Variants in GBP3 observed in about 807,000 individuals in gnomAD.
The protein encoded by GBP3 is guanylate binding protein 3, also known as guanylate-binding protein 3.
In GBP3, 55 loss-of-function variants were observed where a neutral mutation model predicts 62.4. The observed-to-expected ratio is 0.88, with a 90% CI of 0.71 to 1.10. The LOEUF (loss-of-function observed/expected upper bound fraction) is 1.10, where lower values mean the gene tolerates loss of function less well. Among genes scored for constraint, GBP3 ranks in the 50% least tolerant of loss-of-function variants. The probability of loss-of-function intolerance (pLI) is 0.00; values close to 1 mark genes in which losing one functional copy is unlikely to be tolerated. For missense variants in GBP3, 605 were observed against 690.6 expected (o/e 0.88, Z 1.39); for synonymous variants, 208 against 259.2 (o/e 0.80, Z 1.90).
chr1:89,020,660 A>G lies in GBP3; in HGVS notation c.62T>C (p.Leu21Pro). The change falls in exon 2 of 11, where the codon CTG (leucine) becomes CCG (proline). Residue 21 changes from leucine (L) to proline (P), a missense_variant. Around this residue, in one of 3 missense-constraint regions of GBP3, gnomAD observed 308 missense variants for 318.0 expected, o/e 0.97. Coordinates refer to ENST00000370481, the MANE Select transcript of GBP3 (RefSeq NM_018284.3). ...MCLIENTNGE[L>P]VANPEALKIL... ...TTTCAGAGCTTCTGGATTCGCCACC[A>G]GTTCCCCATTAGTGTTCTCAATGAG... The G allele has an allele frequency of 1.2e-6, 2 of 1,614,198 alleles. No individual in the cohort carries two copies. Among genetic ancestry groups the G allele is most frequent in the Non-Finnish European group, 1.7e-6 (2 of 1,180,022 alleles).
At chr1:89,015,245 G>T in intron 3 of GBP3, 42 bp downstream of exon 3, 1 of 1,532,656 alleles carries the variant, frequency 6.5e-7, no homozygotes, top group Non-Finnish European at 8.8e-7. Flanking sequence ...AAAATATTCA[G>T]AGATGAGGGG....
Position 89,007,719 on chromosome 1 carries a change from G to A in GBP3, c.*5C>T. On this transcript the variant is annotated 3_prime_UTR_variant, in exon 11 of 11. Coordinates refer to ENST00000370481, the MANE Select transcript of GBP3 (RefSeq NM_018284.3). The stretch of plus-strand genomic sequence containing the variant: ...TGGGTTAGGATGACAGAAAAGCTCT[G>A]TTGTTTAGATCTTTAGCTTATGCGA... 6.2e-7 allele frequency: 1 copy of A among 1,604,990 alleles called. No individual in the cohort carries two copies. Among genetic ancestry groups the A allele is most frequent in the Non-Finnish European group, 8.5e-7 (1 of 1,176,412 alleles).
In GBP3 at chr1:89,015,722, C is replaced by A. The variant is rs1342112872; in HGVS notation, c.191-308G>T. ...TAGCACCACTGCACTCCAGCCTGGGCAACAGAGCGAGACTCTTGTCTTAAA... is the reference window on the plus strand; with the variant it reads ...TAGCACCACTGCACTCCAGCCTGGGAAACAGAGCGAGACTCTTGTCTTAAA... On this transcript the variant is annotated intron_variant, in intron 2 of 10. Coordinates refer to ENST00000370481, the MANE Select transcript of GBP3 (RefSeq NM_018284.3). Among the ~76,000 whole-genome samples the A allele has an allele frequency of 1.3e-4, 15 of 119,864 alleles. 2 individuals are homozygous for A. Among genetic ancestry groups the A allele is most frequent in the Admixed American group, 2.0e-4 (2 of 9,882 alleles). 78.6% of individuals were successfully genotyped at this position (119,864 alleles called of 152,430 possible).
intron 1 of GBP3, among the ~76,000 whole-genome samples, chr1:89,021,548 C>CCCCCA (rs1262287067): frequency 3.1e-5 from 3 of 95,812 alleles, no homozygotes; most frequent in South Asian, 3.3e-4. Context: ...ACACACACCC[C>CCCCCA]AAAAAAACCA....
At chr1:89,009,186 C>T (rs745829250) in intron 9 of GBP3, 46 bp from the exon 10 acceptor site, 6 of 1,581,814 alleles carry the variant, frequency 3.8e-6, no homozygotes, top group Non-Finnish European at 5.2e-6. Context: ...CTTGTTGCCT[C>T]ATTCTTAGTT....
chr1:89,009,530 A>T, intron 8 of GBP3, 36 bp from the exon 9 acceptor site: 1 of 1,609,838 alleles, frequency 6.2e-7, no homozygotes. Flanking sequence ...AGAAGTAGGA[A>T]ATGGCTGTAA....
At chr1:89,015,232 C>A (rs1030381759) in intron 3 of GBP3, 55 bp downstream of exon 3, 7 of 1,484,466 alleles carry the variant, frequency 4.7e-6, no homozygotes, top group Non-Finnish European at 5.4e-6. Context: ...CTAAATGGTG[C>A]TTAAAATATT....
intron 3 of GBP3, 95 bp downstream of exon 3, chr1:89,015,192 G>T: frequency 7.8e-7 from 1 of 1,282,748 alleles, no homozygotes; most frequent in Middle Eastern, 2.7e-4. Context: ...ACAAATTATA[G>T]TTAAATGCAA....
Position 89,012,060 on chromosome 1 carries a change from G to A in GBP3, c.869-33C>T, listed in dbSNP as rs752044894. On this transcript the variant is annotated intron_variant, in intron 6 of 10. Transcript: ENST00000370481. Reference sequence around the variant, plus strand: ...CAAAGAAGAAATGATAATGTTTCTTGTACTAAAGAAAACTCTCTATTCTGT... The same window carrying A: ...CAAAGAAGAAATGATAATGTTTCTTATACTAAAGAAAACTCTCTATTCTGT... 6.3e-6 allele frequency: 9 copies of A among 1,428,588 alleles called. 2 individuals carry two copies. The highest frequency in any genetic ancestry group is 4.7e-5 in the East Asian group (2 of 42,616). 88.5% of individuals were successfully genotyped at this position (1,428,588 alleles called of 1,614,324 possible).
Position 89,013,329 on chromosome 1 carries a change from G to A in GBP3, c.724C>T (p.Arg242Cys), listed in dbSNP as rs375199876. The stretch of plus-strand genomic sequence containing the variant: ...TTCTCAAGCTGGGCAAGCTTCCTGC[G>A]GTGAATGGGCAGATCGAAGACAAAA... ...KCFVFDLPIHRRKLAQLEKLQ... is the reference protein window; with the variant it reads ...KCFVFDLPIHCRKLAQLEKLQ... The change falls in exon 6 of 11, where the codon CGC (arginine) becomes TGC (cysteine). Residue 242 changes from arginine (R) to cysteine (C), a missense_variant. Around this residue, in one of 3 missense-constraint regions of GBP3, gnomAD observed 308 missense variants for 318.0 expected, o/e 0.97. Transcript: ENST00000370481. 114 of 1,614,050 alleles carry A rather than the reference G, an allele frequency of 7.1e-5. No homozygotes were observed. The highest frequency in any genetic ancestry group is 1.6e-4 in the South Asian group (15 of 91,086).
intron 2 of GBP3, among the ~76,000 whole-genome samples, chr1:89,016,970 C>T (rs576281981): frequency 3.6e-4 from 55 of 152,186 alleles, no homozygotes; most frequent in South Asian, 2.9e-3. Context: ...ATCAAAATTC[C>T]AATGATTTTT....
chr1:89,014,319 A>G lies in GBP3; in HGVS notation c.429-40T>C, dbSNP rs765240833. ...AAGGAAATGTGACAAAATGAACAGGAACCTCATCCCATATTAGTTCAACAC... is the reference window on the plus strand; with the variant it reads ...AAGGAAATGTGACAAAATGAACAGGGACCTCATCCCATATTAGTTCAACAC... On this transcript the variant is annotated intron_variant, in intron 4 of 10. Coordinates refer to ENST00000370481, the MANE Select transcript of GBP3 (RefSeq NM_018284.3). 2.0e-5 allele frequency: 33 copies of G among 1,613,648 alleles called. No individual in the cohort carries two copies. The Admixed American group carries it at 4.2e-4, about 20-fold the overall frequency.
At position 89,006,943 on chromosome 1, in the gene GBP3, A is replaced by C. The variant is rs1449109868; in HGVS notation, c.*781T>G. Reference sequence around the variant, plus strand: ...TTAGGATTAAAACAATCAAATAATTAAATTAGTTCAATTTTCTAACATAGT... The same window carrying C: ...TTAGGATTAAAACAATCAAATAATTCAATTAGTTCAATTTTCTAACATAGT... On this transcript the variant is annotated 3_prime_UTR_variant, in exon 11 of 11. Transcript: ENST00000370481. 6.6e-6 allele frequency: 1 copy of C among 152,264 alleles called. No individual in the cohort carries two copies. The highest frequency in any genetic ancestry group is 1.9e-4 in the East Asian group (1 of 5,206). 9.4% of individuals were successfully genotyped at this position (152,264 alleles called of 1,614,324 possible).
chr1:89,007,397 C>G lies in GBP3; in HGVS notation c.*327G>C. On this transcript the variant is annotated 3_prime_UTR_variant, in exon 11 of 11. Transcript: ENST00000370481. Reference sequence around the variant, plus strand: ...TTCTGATATTGGGACCCATTGTACACTTGGCCAAACCAGTGCCCAAATATG... The same window carrying G: ...TTCTGATATTGGGACCCATTGTACAGTTGGCCAAACCAGTGCCCAAATATG... 1 of 226,078 alleles carries G rather than the reference C, an allele frequency of 4.4e-6. No individual in the cohort carries two copies. Among genetic ancestry groups the G allele is most frequent in the East Asian group, 1.2e-4 (1 of 8,568 alleles). The allele number at this position is 226,078 out of a possible 1,614,324, so 14.0% of individuals were successfully genotyped here.
chr1:89,010,413 C>T (rs1678491763), intron 8 of GBP3, among the ~76,000 whole-genome samples: 1 of 138,030 alleles, frequency 7.2e-6, no homozygotes, highest in Non-Finnish European at 1.7e-5. Flanking sequence ...AGCCACTGCG[C>T]CCGGCCTAGT....
intron 9 of GBP3, 79 bp from the exon 10 acceptor site, chr1:89,009,219 C>T: frequency 6.9e-7 from 1 of 1,455,312 alleles, no homozygotes; most frequent in South Asian, 1.2e-5. Context: ...TCCATTGTTG[C>T]TGCTGACTGC....
chr1:89,010,917 C>T lies in GBP3; in HGVS notation c.1349G>A (p.Arg450Lys). 2 of 1,461,834 alleles carry T rather than the reference C, an allele frequency of 1.4e-6. No individual in the cohort carries two copies. The highest frequency in any genetic ancestry group is 1.9e-6 in the Non-Finnish European group (2 of 1,055,162). The allele number at this position is 1,461,834 out of a possible 1,614,324, so 90.6% of individuals were successfully genotyped here. A position where few individuals can be genotyped will look rare whatever the true frequency, so the allele number is the denominator to read the frequency against. The change falls in exon 8 of 11, where the codon AGG becomes AAG. Residue 450 changes from arginine to lysine, a missense_variant. Around this residue, in one of 3 missense-constraint regions of GBP3, gnomAD observed 137 missense variants for 224.7 expected, o/e 0.61. Coordinates refer to ENST00000370481, the MANE Select transcript of GBP3 (RefSeq NM_018284.3). ...AATCTTGGTTACCTGTATCCCCTTC[C>T]TTGGTTCCTCATAGTACTTTTTCTC... ...DLEKKYYEEPRKGIQAEEILQ... is the reference protein window; with the variant it reads ...DLEKKYYEEPKKGIQAEEILQ...
intron 2 of GBP3, 122 bp downstream of exon 2, chr1:89,020,410 A>G (rs1679117860): frequency 8.7e-7 from 1 of 1,143,600 alleles, no homozygotes; most frequent in Non-Finnish European, 1.3e-6. Context: ...TAAGGAGCCC[A>G]ACTGTGAATG....
Position 89,007,841 on chromosome 1 carries a change from T to C in GBP3, c.1671A>G (p.Arg557=). 6.2e-7 allele frequency: 1 copy of C among 1,611,764 alleles called. No individual in the cohort carries two copies. The highest frequency in any genetic ancestry group is 8.5e-7 in the Non-Finnish European group (1 of 1,179,208). Residue 557 remains arginine (R), a synonymous_variant, in exon 11 of 11, where the codon CGA becomes CGG. Coordinates refer to ENST00000370481, the MANE Select transcript of GBP3 (RefSeq NM_018284.3). ...CACCTTGGCATCTCTCCTTTAGTACTCGGGCCTGTTCCTAAAAAGGGACAA... is the reference window on the plus strand; with the variant it reads ...CACCTTGGCATCTCTCCTTTAGTACCCGGGCCTGTTCCTAAAAAGGGACAA... ...TLTSKLQEQA[R]VLKERCQGES...
Sources: gnomAD v4.1 joint callset for allele counts (sites outside exome capture counted in the v4.1 genomes callset) on GRCh38, gnomAD v4.1.1 for gene constraint, gnomAD v4.1.1 regional missense constraint, MANE v1.5 for transcripts, NCBI Gene and HGNC (gene_info 2026-07-23, HGNC 2026-07-21) for gene names.